Variants in HHAT observed in about 807,000 individuals in gnomAD.
The protein encoded by HHAT is protein-cysteine N-palmitoyltransferase HHAT.
Under a neutral mutation model 70.8 loss-of-function variants are expected in HHAT, and 47 were observed. That is an observed-to-expected ratio of 0.66 (90% CI 0.53 to 0.85). HHAT has a LOEUF of 0.85. Ranked by LOEUF, HHAT falls within the 40% of genes least tolerant of loss-of-function variation. The pLI is 0.00. For missense variants in HHAT, 609 were observed against 604.8 expected (o/e 1.01, Z -0.07); for synonymous variants, 228 against 247.6 (o/e 0.92, Z 0.74).
At chr1:210,447,327 C>T (rs892537808) in intron 7 of HHAT, among the ~76,000 whole-genome samples, 1 of 152,182 alleles carries the variant, frequency 6.6e-6, no homozygotes, top group South Asian at 2.1e-4. Context: ...CAAGTAATTA[C>T]AGGAGACTAC....
At chr1:210,575,245 C>A (rs894348518) in intron 9 of HHAT, among the ~76,000 whole-genome samples, 1 of 152,060 alleles carries the variant, frequency 6.6e-6, no homozygotes, top group African/African-American at 2.4e-5. Flanking sequence ...CCCTACCCCG[C>A]CCCCACCTTT....
intron 1 of HHAT, among the ~76,000 whole-genome samples, chr1:210,348,568 G>C (rs1349377391): frequency 6.6e-6 from 1 of 152,172 alleles, no homozygotes; most frequent in African/African-American, 2.4e-5. Context: ...TGGTGAGTCA[G>C]AGATCATGGT....
chr1:210,522,157 C>T (rs1235822424), intron 9 of HHAT, among the ~76,000 whole-genome samples: 1 of 152,142 alleles, frequency 6.6e-6, no homozygotes, highest in Non-Finnish European at 1.5e-5. Context: ...CTGCTTCCAC[C>T]TGAGGTGAGT....
At chr1:210,588,165 T>A in intron 10 of HHAT, 66 bp downstream of exon 10, 1 of 1,347,830 alleles carries the variant, frequency 7.4e-7, no homozygotes, top group Non-Finnish European at 1.0e-6. Flanking sequence ...TTATTAGGGA[T>A]GGGGCCATCA....
intron 7 of HHAT, among the ~76,000 whole-genome samples, chr1:210,429,301 T>G (rs2093172467): frequency 6.6e-6 from 1 of 151,840 alleles, no homozygotes; most frequent in African/African-American, 2.4e-5. Context: ...TGTCTTCACA[T>G]TTTCCTAGTT....
chr1:210,664,350 C>G (rs751850601), intron 11 of HHAT, among the ~76,000 whole-genome samples: 4 of 152,196 alleles, frequency 2.6e-5, no homozygotes, highest in Admixed American at 6.5e-5. Flanking sequence ...TATCGTTTCC[C>G]CCTATCAGAT....
At chr1:210,344,322 G>C (rs554817139) in intron 1 of HHAT, among the ~76,000 whole-genome samples, 51 of 152,186 alleles carry the variant, frequency 3.4e-4, no homozygotes, top group African/African-American at 1.2e-3. Flanking sequence ...CTGAGTAGAA[G>C]AAAATGGAGT....
intron 11 of HHAT, among the ~76,000 whole-genome samples, chr1:210,650,480 A>C (rs968489872): frequency 6.6e-6 from 1 of 152,108 alleles, no homozygotes; most frequent in Non-Finnish European, 1.5e-5. Context: ...TCATTTGTAA[A>C]GGTCACCCTT....
At chr1:210,329,165 G>T (rs991025130) in intron 1 of HHAT, 61 bp downstream of exon 1, 14 of 1,241,960 alleles carry the variant, frequency 1.1e-5, no homozygotes, top group Middle Eastern at 2.0e-4. Flanking sequence ...TTCTGCGTCA[G>T]TTTACTCTGT....
intron 7 of HHAT, among the ~76,000 whole-genome samples, chr1:210,442,523 A>G (rs2093542810): frequency 6.6e-6 from 1 of 150,718 alleles, no homozygotes; most frequent in Non-Finnish European, 1.5e-5. Context: ...TTGTTTCCTG[A>G]CTTTTTAATG....
At chr1:210,522,294 T>G (rs2095170259) in intron 9 of HHAT, among the ~76,000 whole-genome samples, 1 of 152,188 alleles carries the variant, frequency 6.6e-6, no homozygotes, top group Non-Finnish European at 1.5e-5. Flanking sequence ...TGAAAACTCA[T>G]CTCCTTTGAA....
intron 9 of HHAT, among the ~76,000 whole-genome samples, chr1:210,563,789 T>C (rs1014266778): frequency 6.6e-6 from 1 of 152,204 alleles, no homozygotes; most frequent in Non-Finnish European, 1.5e-5. Flanking sequence ...CTCCAGGGTG[T>C]ACCCCTCACT....
chr1:210,329,758 T>C (rs917794123), intron 1 of HHAT, among the ~76,000 whole-genome samples: 1 of 152,172 alleles, frequency 6.6e-6, no homozygotes, highest in Non-Finnish European at 1.5e-5. Context: ...TTGTTGTTTG[T>C]GTTTTTGAGG....
chr1:210,477,118 C>T (rs747646348), intron 8 of HHAT, among the ~76,000 whole-genome samples: 2 of 152,130 alleles, frequency 1.3e-5, no homozygotes, highest in Non-Finnish European at 2.9e-5. Context: ...ACTGAAGAGA[C>T]AGGTGACAAC....
At chr1:210,457,179 G>A (rs1429371501) in intron 7 of HHAT, among the ~76,000 whole-genome samples, 1 of 151,906 alleles carries the variant, frequency 6.6e-6, no homozygotes, top group African/African-American at 2.4e-5. Flanking sequence ...ACCCCCGGCG[G>A]GGAGAGAAAA....
intron 8 of HHAT, among the ~76,000 whole-genome samples, chr1:210,480,976 A>G (rs955092856): frequency 6.6e-6 from 1 of 152,234 alleles, no homozygotes; most frequent in African/African-American, 2.4e-5. Context: ...TGCTGGGGAT[A>G]TAGTAGTGAA....
chr1:210,412,523 A>C (rs145422266), intron 6 of HHAT, among the ~76,000 whole-genome samples: 2 of 152,278 alleles, frequency 1.3e-5, no homozygotes, highest in African/African-American at 4.8e-5. Flanking sequence ...TAGGATGGAC[A>C]CTCCAATTCC....
At chr1:210,470,188 G>A (rs1451138696) in intron 8 of HHAT, among the ~76,000 whole-genome samples, 1 of 152,096 alleles carries the variant, frequency 6.6e-6, no homozygotes, top group African/African-American at 2.4e-5. Context: ...AGAAAGACCC[G>A]ATAGGGTGCT....
In HHAT at chr1:210,616,761, A is replaced by G. The variant is rs576331447; in HGVS notation, c.1246-6765A>G. Among the ~76,000 whole-genome samples the G allele has an allele frequency of 3.3e-5, 5 of 152,354 alleles. No homozygotes were observed. The South Asian group carries it at 6.2e-4, about 19-fold the overall frequency. On this transcript the variant is annotated intron_variant, in intron 10 of 11. Coordinates refer to ENST00000261458, the MANE Select transcript of HHAT (RefSeq NM_018194.6). The stretch of plus-strand genomic sequence containing the variant: ...GTATGTGAATTCTTGCACTGCACTT[A>G]TCGGTATATAATTCAGGTAAGTTAC...
Sources: gnomAD v4.1 joint callset for allele counts (sites outside exome capture counted in the v4.1 genomes callset) on GRCh38, gnomAD v4.1.1 for gene constraint, MANE v1.5 for transcripts, NCBI Gene and HGNC (gene_info 2026-07-23, HGNC 2026-07-21) for gene names.